The following MAML3 variants were observed in gnomAD, a reference collection of about 807,000 sequenced individuals.
MAML3 encodes mastermind like transcriptional coactivator 3.
In MAML3, 27 loss-of-function variants were observed where a neutral mutation model predicts 101.9. The observed-to-expected ratio is 0.27, with a 90% CI of 0.20 to 0.37. MAML3 has a LOEUF of 0.37. Among genes scored for constraint, MAML3 ranks in the 10% least tolerant of loss-of-function variants. The probability of loss-of-function intolerance (pLI) is 1.00; values close to 1 mark genes in which losing one functional copy is unlikely to be tolerated. For missense variants in MAML3, 1,316 were observed against 1,444.9 expected, an observed-to-expected ratio of 0.91 and a Z score of 1.45; for synonymous variants, 501 against 555.9, an observed-to-expected ratio of 0.90 and a Z score of 1.39.
intron 1 of MAML3, among the ~76,000 whole-genome samples, chr4:139,985,350 G>C (rs1379754085): frequency 6.6e-6 from 1 of 152,196 alleles, no homozygotes; most frequent in Non-Finnish European, 1.5e-5. Flanking sequence ...CATGACCATG[G>C]AGCAGAGTTC....
chr4:139,730,291 G>T, intron 3 of MAML3, 125 bp downstream of exon 3: 1 of 831,216 alleles, frequency 1.2e-6, no homozygotes, highest in Non-Finnish European at 1.9e-6. Flanking sequence ...TTGTGATCCT[G>T]GGAAATGCTA....
At chr4:139,857,331 C>T (rs1209857241) in intron 2 of MAML3, among the ~76,000 whole-genome samples, 2 of 152,092 alleles carry the variant, frequency 1.3e-5, no homozygotes, top group East Asian at 1.9e-4. Context: ...GATGAGAGGG[C>T]GCTTGCTCCA....
At chr4:139,842,301 C>G (rs1731376387) in intron 2 of MAML3, among the ~76,000 whole-genome samples, 1 of 152,204 alleles carries the variant, frequency 6.6e-6, no homozygotes, top group African/African-American at 2.4e-5. Context: ...GCGAACATAC[C>G]TGCTTTTTAA....
rs191672702 is a variant in MAML3, at chr4:140,134,404, C to A, written c.468+18456G>T. The A allele has an allele frequency of 1.0e-3, 475 of 456,682 alleles. 2 individuals carry two copies. The highest frequency in any genetic ancestry group is 8.7e-3 in the African/African-American group (435 of 50,194). 28.3% of individuals were successfully genotyped at this position (456,682 alleles called of 1,614,324 possible). A position where few individuals can be genotyped will look rare whatever the true frequency, so the allele number is the denominator to read the frequency against. ...CTCTGAATCACCTCCAGGGCACAGGCATAGATGTTCCCCAACCCTGAATGC... is the reference window on the plus strand; with the variant it reads ...CTCTGAATCACCTCCAGGGCACAGGAATAGATGTTCCCCAACCCTGAATGC... On this transcript the variant is annotated intron_variant, in intron 1 of 4. Transcript: ENST00000509479.
At chr4:139,852,557 C>T (rs1035455299) in intron 2 of MAML3, among the ~76,000 whole-genome samples, 1 of 151,802 alleles carries the variant, frequency 6.6e-6, no homozygotes, top group Non-Finnish European at 1.5e-5. Flanking sequence ...GGATTACAGG[C>T]ACCTGCCATC....
intron 2 of MAML3, among the ~76,000 whole-genome samples, chr4:139,742,882 G>A (rs1265842856): frequency 6.6e-6 from 1 of 152,130 alleles, no homozygotes; most frequent in African/African-American, 2.4e-5. Context: ...TATGCACCAA[G>A]TATTTTTTGC....
rs747303362 is a variant in MAML3, at chr4:139,890,310, C to G, written c.1126G>C (p.Ala376Pro). ...GGAGGACCAGAAGAAGAAGGCCTCG[C>G]CTGGGGAGATCCCATGGAGACATGT... ...FAHVSMGSPQ[A>P]RPSSSGPPFS... The change falls in exon 2 of 5, where the codon GCG becomes CCG. Residue 376 changes from alanine (A) to proline (P), a missense_variant. Transcript: ENST00000509479. The surrounding 1 kb of genome is among the most constrained non-coding windows in gnomAD (Gnocchi z 4.1). 6.2e-7 allele frequency: 1 copy of G among 1,613,224 alleles called. No individual in the cohort carries two copies. Among genetic ancestry groups the G allele is most frequent in the South Asian group, 1.1e-5 (1 of 90,990 alleles).
intron 1 of MAML3, among the ~76,000 whole-genome samples, chr4:140,110,387 C>T (rs946898721): frequency 2.0e-5 from 3 of 152,182 alleles, no homozygotes; most frequent in Non-Finnish European, 4.4e-5. Flanking sequence ...TACCTATCGT[C>T]GTTTTTCCAG....
intron 1 of MAML3, among the ~76,000 whole-genome samples, chr4:140,080,262 C>A (rs911663348): frequency 3.9e-5 from 6 of 152,232 alleles, no homozygotes; most frequent in Admixed American, 1.3e-4. Context: ...AAAAGGCAAA[C>A]AGCTGAAATG....
At chr4:140,120,500 C>T (rs1314446885) in intron 1 of MAML3, among the ~76,000 whole-genome samples, 1 of 152,120 alleles carries the variant, frequency 6.6e-6, no homozygotes. Flanking sequence ...GCAAATGTGC[C>T]TGATGTAGAT....
intron 1 of MAML3, among the ~76,000 whole-genome samples, chr4:140,095,772 G>A (rs1318481542): frequency 2.0e-5 from 3 of 151,954 alleles, no homozygotes; most frequent in African/African-American, 7.3e-5. Flanking sequence ...TTCCTACCCC[G>A]CCACAGGAAG....
intron 1 of MAML3, among the ~76,000 whole-genome samples, chr4:140,053,386 C>T (rs1274830299): frequency 1.3e-5 from 2 of 152,188 alleles, no homozygotes; most frequent in African/African-American, 4.8e-5. Flanking sequence ...TTCCCATTCC[C>T]ATCCGAATTA....
At chr4:140,135,956 A>C (rs1424614010) in intron 1 of MAML3, among the ~76,000 whole-genome samples, 5 of 152,198 alleles carry the variant, frequency 3.3e-5, no homozygotes, top group Non-Finnish European at 5.9e-5. Flanking sequence ...CATAACAAAG[A>C]GTAATGAGCA....
Position 139,735,120 on chromosome 4 carries a change from A to C in MAML3, c.2080-4453T>G. On this transcript the variant is annotated intron_variant, in intron 2 of 4. Coordinates refer to ENST00000509479, the MANE Select transcript of MAML3 (RefSeq NM_018717.5). This position sits in a 1 kb window ranked among gnomAD's most constrained non-coding sequence, Gnocchi z 5.8. ...GGGCGAGCGCTGCGAACGTGGAGCC[A>C]GGCAGTCAAGTGTTACTGCGTACAG... Among the ~76,000 whole-genome samples, 1 of 152,208 alleles carries C rather than the reference A, an allele frequency of 6.6e-6. No individual in the cohort carries two copies.
At chr4:139,817,467 G>A (rs1285526275) in intron 2 of MAML3, among the ~76,000 whole-genome samples, 1 of 152,088 alleles carries the variant, frequency 6.6e-6, no homozygotes, top group East Asian at 1.9e-4. Flanking sequence ...CGTCAATCTG[G>A]TTTCATAAGC....
chr4:139,825,653 C>T (rs560104022), intron 2 of MAML3, among the ~76,000 whole-genome samples: 1 of 152,300 alleles, frequency 6.6e-6, no homozygotes, highest in East Asian at 1.9e-4. Context: ...AGAGCCTCCC[C>T]ATTCCCCTGT....
chr4:140,042,565 C>T (rs898510448), intron 1 of MAML3, among the ~76,000 whole-genome samples: 1 of 151,864 alleles, frequency 6.6e-6, no homozygotes, highest in Non-Finnish European at 1.5e-5. Context: ...ACCCTGGAGG[C>T]GGAGGTTACA....
At chr4:140,025,174 C>A (rs764555495) in intron 1 of MAML3, among the ~76,000 whole-genome samples, 10 of 152,114 alleles carry the variant, frequency 6.6e-5, no homozygotes, top group Non-Finnish European at 1.2e-4. Context: ...TGTTTTGGGA[C>A]AATTGAGTTA....
chr4:140,086,846 C>T (rs1409718222), intron 1 of MAML3, among the ~76,000 whole-genome samples: 1 of 152,170 alleles, frequency 6.6e-6, no homozygotes, highest in Admixed American at 6.5e-5. Context: ...AGCTATGTCC[C>T]TATTGCTCAC....
Sources: gnomAD v4.1 joint callset for allele counts (sites outside exome capture counted in the v4.1 genomes callset) on GRCh38, gnomAD v4.1.1 for gene constraint, Gnocchi (gnomAD v3.1) non-coding constraint, MANE v1.5 for transcripts, NCBI Gene and HGNC (gene_info 2026-07-23, HGNC 2026-07-21) for gene names.